Variants in TAPT1 observed in about 807,000 individuals in gnomAD.
TAPT1 encodes transmembrane anterior posterior transformation 1, also known as transmembrane anterior posterior transformation protein 1 homolog.
In TAPT1, 28 loss-of-function variants were observed where a neutral mutation model predicts 65.6. The observed-to-expected ratio is 0.43, with a 90% CI of 0.32 to 0.59. The LOEUF (loss-of-function observed/expected upper bound fraction) is 0.59, where lower values mean the gene tolerates loss of function less well. TAPT1 is among the 20% of genes least tolerant of loss of function. The pLI is 0.09. For synonymous variants in TAPT1, 278 were observed against 245.2 expected (o/e 1.13, Z -1.25); for missense variants, 563 against 679.9 (o/e 0.83, Z 1.91).
intron 3 of TAPT1, among the ~76,000 whole-genome samples, chr4:16,195,701 T>C (rs1212288766): frequency 6.6e-6 from 1 of 152,250 alleles, no homozygotes; most frequent in Non-Finnish European, 1.5e-5. Flanking sequence ...ATTTACCAGT[T>C]AGAGCATCTC....
chr4:16,186,978 T>C (rs1322848739), intron 5 of TAPT1, 100 bp from the exon 6 acceptor site: 1 of 667,770 alleles, frequency 1.5e-6, no homozygotes, highest in Non-Finnish European at 2.6e-6. Flanking sequence ...CTTTCTTTTC[T>C]AAATTGTCTT....
chr4:16,189,889 CG>C (rs1310332998), intron 4 of TAPT1, among the ~76,000 whole-genome samples: 1 of 152,002 alleles, frequency 6.6e-6, no homozygotes, highest in African/African-American at 2.4e-5. Context: ...GGAAAGCCTA[CG>C]AAGGAGAGAC....
chr4:16,174,408 A>C, intron 10 of TAPT1, 136 bp from the exon 11 acceptor site: 4 of 791,156 alleles, frequency 5.1e-6, no homozygotes, highest in Non-Finnish European at 8.0e-6. Flanking sequence ...CACTTATAAA[A>C]TGATGTGGAA....
chr4:16,206,117 T>C (rs1052179756), intron 2 of TAPT1, among the ~76,000 whole-genome samples: 2 of 152,186 alleles, frequency 1.3e-5, no homozygotes, highest in African/African-American at 4.8e-5. Context: ...TACAATAAAA[T>C]CATTTTAATC....
chr4:16,179,125 G>A (rs1262151670), intron 8 of TAPT1: 2 of 152,940 alleles, frequency 1.3e-5, no homozygotes, highest in Non-Finnish European at 2.9e-5. Context: ...TCTGAGAAAT[G>A]TGTTGCTAGC....
intron 3 of TAPT1, among the ~76,000 whole-genome samples, chr4:16,196,109 C>T (rs377043737): frequency 3.3e-5 from 5 of 152,128 alleles, no homozygotes; most frequent in African/African-American, 1.2e-4. Context: ...AAAGTGAAAT[C>T]CTTTTATAAT....
intron 13 of TAPT1, among the ~76,000 whole-genome samples, chr4:16,166,216 C>G (rs1246827895): frequency 6.6e-6 from 1 of 152,230 alleles, no homozygotes; most frequent in East Asian, 1.9e-4. Flanking sequence ...AGTGCCATCT[C>G]CTCACACTTG....
chr4:16,215,469 T>C (rs1226743044), intron 1 of TAPT1, among the ~76,000 whole-genome samples: 1 of 152,212 alleles, frequency 6.6e-6, no homozygotes, highest in Admixed American at 6.5e-5. Context: ...TTAGGGTTTA[T>C]TCCATATATA....
Position 16,163,190 on chromosome 4 carries a change from A to G in TAPT1, c.*118T>C. On this transcript the variant is annotated 3_prime_UTR_variant, in exon 14 of 14. Coordinates refer to ENST00000405303, the MANE Select transcript of TAPT1 (RefSeq NM_153365.3). ...AGAAAGATACTAAGATTTGCTTGCCAATAATAATTTAAGTTTTTAAATAAA... is the reference window on the plus strand; with the variant it reads ...AGAAAGATACTAAGATTTGCTTGCCGATAATAATTTAAGTTTTTAAATAAA... 1 of 784,562 alleles carries G rather than the reference A, an allele frequency of 1.3e-6. No individual in the cohort carries two copies. The highest frequency in any genetic ancestry group is 2.4e-5 in the Admixed American group (1 of 42,156). 48.6% of individuals were successfully genotyped at this position (784,562 alleles called of 1,614,324 possible).
chr4:16,181,809 C>G (rs1332946259), intron 7 of TAPT1, among the ~76,000 whole-genome samples: 2 of 152,202 alleles, frequency 1.3e-5, no homozygotes, highest in Non-Finnish European at 2.9e-5. Context: ...CTCAGGTGAT[C>G]CGCCCATCTT....
intron 12 of TAPT1, among the ~76,000 whole-genome samples, chr4:16,169,022 T>G (rs1046124323): frequency 3.3e-5 from 5 of 152,234 alleles, no homozygotes; most frequent in Admixed American, 1.3e-4. Context: ...GACACATTCC[T>G]GGGTTTGGTG....
chr4:16,191,269 T>C, intron 4 of TAPT1, 92 bp downstream of exon 4: 2 of 1,303,290 alleles, frequency 1.5e-6, no homozygotes, highest in Non-Finnish European at 2.1e-6. Context: ...CTAGAGTCGG[T>C]AGAGCATTCT....
chr4:16,183,274 T>C (rs1748821149), intron 7 of TAPT1, among the ~76,000 whole-genome samples: 1 of 152,204 alleles, frequency 6.6e-6, no homozygotes, highest in Non-Finnish European at 1.5e-5. Flanking sequence ...CCACCTTGCA[T>C]TGTAACATGA....
intron 4 of TAPT1, among the ~76,000 whole-genome samples, chr4:16,189,808 A>C (rs536776800): frequency 3.5e-4 from 54 of 152,328 alleles, no homozygotes; most frequent in African/African-American, 1.2e-3. Flanking sequence ...AACAATAATA[A>C]TACTACCTTG....
chr4:16,186,355 C>G (rs1292309923), intron 7 of TAPT1, among the ~76,000 whole-genome samples, 180 bp downstream of exon 7: 1 of 152,132 alleles, frequency 6.6e-6, no homozygotes, highest in African/African-American at 2.4e-5. Flanking sequence ...ATTTTTTTAT[C>G]TCAAACATCT....
chr4:16,185,746 T>C (rs559507197), intron 7 of TAPT1, among the ~76,000 whole-genome samples: 4 of 152,118 alleles, frequency 2.6e-5, no homozygotes, highest in South Asian at 2.1e-4. Flanking sequence ...GGATGAGCCA[T>C]GTGTGCTCTT....
Position 16,186,559 on chromosome 4 carries a change from T to A in TAPT1, c.892A>T (p.Asn298Tyr). The change falls in exon 7 of 14, where the codon AAT (asparagine) becomes TAT (tyrosine). Residue 298 changes from asparagine (N) to tyrosine (Y), a missense_variant. Physicochemically the swap from Asn to Tyr is moderately radical, Grantham distance 143. Around this residue, in one of 5 missense-constraint regions of TAPT1, gnomAD observed 217 missense variants for 317.5 expected, o/e 0.68. Transcript: ENST00000405303. ...CCGCTATTTGACATTTGAAAGAGAT[T>A]GTTCTTTTCAAACTTCTTGAAAACA... ...GSVFKKFEKN[N>Y]LFQMSNSDIK... 6.5e-7 allele frequency: 1 copy of A among 1,534,206 alleles called. No homozygotes were observed. Among genetic ancestry groups the A allele is most frequent in the Non-Finnish European group, 8.8e-7 (1 of 1,130,212 alleles).
chr4:16,176,639 T>C (rs530389891), intron 8 of TAPT1: 1 of 154,188 alleles, frequency 6.5e-6, no homozygotes, highest in Admixed American at 6.5e-5. Flanking sequence ...GAGGTTGCAG[T>C]GAGCTGAGAT....
chr4:16,218,384 A>C (rs563531541), intron 1 of TAPT1, among the ~76,000 whole-genome samples: 2 of 152,384 alleles, frequency 1.3e-5, no homozygotes, highest in South Asian at 4.1e-4. Context: ...AGCCTGGGTG[A>C]CAAGAGTGAA....
Sources: allele counts gnomAD v4.1 joint callset (sites outside exome capture counted in the v4.1 genomes callset), GRCh38; gene constraint gnomAD v4.1.1; regional missense constraint gnomAD v4.1.1; transcripts MANE v1.5; gene names NCBI Gene and HGNC (gene_info 2026-07-23, HGNC 2026-07-21).